The following OPHN1 variants were observed in gnomAD, a reference collection of about 807,000 sequenced individuals.
The protein encoded by OPHN1 is oligophrenin 1, also known as oligophrenin-1.
A neutral mutation model predicts 60.7 loss-of-function variants in OPHN1; 11 were observed. The observed-to-expected ratio is 0.18, with a 90% CI of 0.11 to 0.30. The LOEUF (loss-of-function observed/expected upper bound fraction) is 0.30. OPHN1 is among the 10% of genes least tolerant of loss of function. The probability of loss-of-function intolerance (pLI) is 1.00; values close to 1 mark genes in which losing one functional copy is unlikely to be tolerated. For synonymous variants in OPHN1, 226 were observed against 222.6 expected (o/e 1.02, Z -0.14); for missense variants, 449 against 611.0 (o/e 0.73, Z 2.80).
intron 2 of OPHN1, among the ~76,000 whole-genome samples, chrX:68,315,199 G>A (rs369142179): frequency 9.3e-6 from 1 of 107,471 alleles, no homozygotes; most frequent in South Asian, 4.4e-4. Flanking sequence ...GGTGATCTAG[G>A]TGACAGAGTG....
chrX:68,334,784 T>TA, intron 2 of OPHN1, among the ~76,000 whole-genome samples: 1 of 109,978 alleles, frequency 9.1e-6, no homozygotes, highest in Admixed American at 9.9e-5. Context: ...GAGACCAGCT[T>TA]GGGCAACATG....
chrX:68,163,868 G>T (rs1309906919), intron 15 of OPHN1, among the ~76,000 whole-genome samples: 1 of 110,585 alleles, frequency 9.0e-6, no homozygotes, highest in Non-Finnish European at 1.9e-5. Context: ...GAAGAAATGT[G>T]GTTATATCCT....
At chrX:68,238,144 T>C (rs751848358) in intron 5 of OPHN1, among the ~76,000 whole-genome samples, 2 of 111,861 alleles carry the variant, frequency 1.8e-5, no homozygotes, top group African/African-American at 6.5e-5. Context: ...GAATTCAGCA[T>C]TGTTTGTGAT....
chrX:68,150,712 T>G, intron 15 of OPHN1, among the ~76,000 whole-genome samples: 1 of 111,611 alleles, frequency 9.0e-6, no homozygotes, highest in Non-Finnish European at 1.9e-5. Context: ...GGAATAGTTG[T>G]GAAACTATAA....
At chrX:68,093,181 A>G (rs2077025044) in intron 19 of OPHN1, among the ~76,000 whole-genome samples, 1 of 111,018 alleles carries the variant, frequency 9.0e-6, no homozygotes, top group Non-Finnish European at 1.9e-5. Flanking sequence ...CCATTTGCAA[A>G]ACACATAACA....
Position 68,101,661 on chromosome X carries a change from GCATAA to G in OPHN1, c.1527-4637_1527-4633del. Among the ~76,000 whole-genome samples, 4 of 112,179 alleles carry G rather than the reference GCATAA, an allele frequency of 3.6e-5. No individual in the cohort carries two copies. In the Admixed American group the frequency reaches 3.8e-4, roughly 11 times the overall value. On this transcript the variant is annotated intron_variant, in intron 18 of 24. Coordinates refer to ENST00000355520, the MANE Select transcript of OPHN1 (RefSeq NM_002547.3). Reference sequence around the variant, plus strand: ...CCAACACCAAAGGCTTTGTTAATGAGCATAACATAAGGTAAAAATGAATTATCATT... The same window carrying G: ...CCAACACCAAAGGCTTTGTTAATGAGCATAAGGTAAAAATGAATTATCATT...
At chrX:68,132,392 C>T (rs1360078901) in intron 15 of OPHN1, among the ~76,000 whole-genome samples, 2 of 107,660 alleles carry the variant, frequency 1.9e-5, no homozygotes, top group African/African-American at 3.4e-5. Flanking sequence ...AGTTCATGTC[C>T]TTTGCAGGGA....
At chrX:68,264,050 C>T (rs1040865603) in intron 5 of OPHN1, among the ~76,000 whole-genome samples, 1 of 111,117 alleles carries the variant, frequency 9.0e-6, no homozygotes, top group Non-Finnish European at 1.9e-5. Flanking sequence ...ACTGGCTACC[C>T]ATATGTAGGC....
intron 6 of OPHN1, among the ~76,000 whole-genome samples, chrX:68,216,583 A>C (rs2077610458): frequency 9.0e-6 from 1 of 111,722 alleles, no homozygotes; most frequent in Non-Finnish European, 1.9e-5. Flanking sequence ...GCCTAATAAA[A>C]AAAAATTACT....
intron 2 of OPHN1, among the ~76,000 whole-genome samples, chrX:68,377,771 T>C (rs1273375849): frequency 9.0e-6 from 1 of 111,619 alleles, no homozygotes; most frequent in Non-Finnish European, 1.9e-5. Context: ...CATCATTTTT[T>C]ATGGCTGCAT....
At chrX:68,338,719 T>C (rs1210323914) in intron 2 of OPHN1, among the ~76,000 whole-genome samples, 2 of 111,098 alleles carry the variant, frequency 1.8e-5, no homozygotes, top group Non-Finnish European at 3.8e-5. Context: ...TCCAGAAATA[T>C]ATAAAAAGGA....
intron 2 of OPHN1, among the ~76,000 whole-genome samples, chrX:68,360,267 C>T (rs942531881): frequency 2.7e-5 from 3 of 110,864 alleles, no homozygotes; most frequent in Non-Finnish European, 5.7e-5. Flanking sequence ...CAGTCTCAAA[C>T]TCCTGCGTTC....
intron 21 of OPHN1, among the ~76,000 whole-genome samples, chrX:68,058,179 T>C (rs2076880285): frequency 9.1e-6 from 1 of 109,881 alleles, no homozygotes; most frequent in African/African-American, 3.3e-5. Context: ...GTCTCTCTCT[T>C]TTTCTCTCTC....
intron 15 of OPHN1, among the ~76,000 whole-genome samples, chrX:68,139,828 G>A (rs944116952): frequency 8.0e-5 from 9 of 112,143 alleles, no homozygotes; most frequent in African/African-American, 1.6e-4. Context: ...TTCCAGCAGC[G>A]AATGCTAAGA....
chrX:68,375,939 C>A (rs2078554613), intron 2 of OPHN1, among the ~76,000 whole-genome samples: 1 of 111,031 alleles, frequency 9.0e-6, no homozygotes. Context: ...TAGTCTGACT[C>A]TAGAATTATG....
intron 15 of OPHN1, among the ~76,000 whole-genome samples, chrX:68,124,392 C>A (rs1167253050): frequency 2.7e-5 from 3 of 110,805 alleles, no homozygotes; most frequent in African/African-American, 9.9e-5. Context: ...TGCTGGAGCA[C>A]CCAAACATAT....
At chrX:68,192,107 A>G (rs1299745270) in intron 15 of OPHN1, among the ~76,000 whole-genome samples, 2 of 111,992 alleles carry the variant, frequency 1.8e-5, no homozygotes, top group Non-Finnish European at 3.8e-5. Context: ...AAAAAGAAGT[A>G]AACCAAGAAC....
At chrX:68,106,822 A>G (rs1275205699) in intron 18 of OPHN1, among the ~76,000 whole-genome samples, 1 of 111,853 alleles carries the variant, frequency 8.9e-6, no homozygotes. Context: ...TGCATTTTAA[A>G]AACACTTGAA....
intron 5 of OPHN1, among the ~76,000 whole-genome samples, chrX:68,254,910 TGGGCG>T (rs1482081878): frequency 9.5e-6 from 1 of 105,403 alleles, no homozygotes; most frequent in Non-Finnish European, 1.9e-5. Context: ...CTCAACTACC[TGGGCG>T]GGGCTGAGGC....
Sources: gnomAD v4.1 joint callset for allele counts (sites outside exome capture counted in the v4.1 genomes callset) on GRCh38, gnomAD v4.1.1 for gene constraint, MANE v1.5 for transcripts, NCBI Gene and HGNC (gene_info 2026-07-23, HGNC 2026-07-21) for gene names.